Variants in GPR153 observed in about 807,000 individuals in gnomAD.
GPR153 encodes the protein probable G protein-coupled receptor 153.
A neutral mutation model predicts 34.1 loss-of-function variants in GPR153; 27 were observed. The observed-to-expected ratio is 0.79, with a 90% CI of 0.58 to 1.09. The LOEUF is 1.09. GPR153 is among the 50% of genes least tolerant of loss of function. The pLI, the probability that GPR153 is intolerant of heterozygous loss-of-function variation, is 0.00. For missense variants in GPR153, 848 were observed against 860.2 expected (o/e 0.99, Z 0.18); for synonymous variants, 408 against 405.4 (o/e 1.01, Z -0.08).
At position 6,251,374 on chromosome 1, in the gene GPR153, T is replaced by G; in HGVS notation, c.943A>C (p.Met315Leu). 1 of 1,612,724 alleles carries G rather than the reference T, an allele frequency of 6.2e-7. No individual in the cohort carries two copies. The highest frequency in any genetic ancestry group is 8.5e-7 in the Non-Finnish European group (1 of 1,179,402). ...TCCTCGTCGTTGGCCATGAGGGCCA[T>G]GCACTTCTCCCGGACAGCTTTGAGG... ...ADLKAVREKC[M>L]ALMANDEESD... Residue 315 changes from methionine to leucine, a missense_variant, in exon 4 of 6, where the codon ATG becomes CTG. Met to Leu is a conservative substitution (Grantham distance 15). Coordinates refer to ENST00000377893, the MANE Select transcript of GPR153 (RefSeq NM_207370.4). This position sits in a 1 kb window ranked among gnomAD's most constrained non-coding sequence, Gnocchi z 4.9.
At chr1:6,250,306 G>T (rs1638412831) in intron 5 of GPR153, 134 bp downstream of exon 5, 2 of 1,445,914 alleles carry the variant, frequency 1.4e-6, no homozygotes, top group Non-Finnish European at 1.8e-6. Flanking sequence ...CCTTTGGACA[G>T]CCCGTCCTCG....
chr1:6,249,909 T>G lies in GPR153; in HGVS notation c.1259A>C (p.Asp420Ala). The change falls in exon 6 of 6, where the codon GAC (aspartate) becomes GCC (alanine). Residue 420 changes from aspartate to alanine, a missense_variant. By Grantham distance (126) the Asp-to-Ala change is moderately radical (BLOSUM62 -2). Transcript: ENST00000377893. This position sits in a 1 kb window ranked among gnomAD's most constrained non-coding sequence, Gnocchi z 4.3. ...CACCAGGTGCGCCAGGGCGGCCAGG[T>G]CCTCGCCGGAGCCCCAGCGCGGCAG... ...AFLPRWGSGEDLAALAHLVLP... is the reference protein window; with the variant it reads ...AFLPRWGSGEALAALAHLVLP... 7.8e-7 allele frequency: 1 copy of G among 1,289,046 alleles called. No individual in the cohort carries two copies. The highest frequency in any genetic ancestry group is 9.9e-7 in the Non-Finnish European group (1 of 1,014,638). The allele number at this position is 1,289,046 out of a possible 1,614,324, so 79.9% of individuals were successfully genotyped here.
At chr1:6,256,874 C>T (rs757256403) in intron 1 of GPR153, among the ~76,000 whole-genome samples, 5 of 152,214 alleles carry the variant, frequency 3.3e-5, no homozygotes, top group Non-Finnish European at 7.3e-5. Context: ...TGCCCTAAGG[C>T]GGGGAAGGCC....
intron 1 of GPR153, among the ~76,000 whole-genome samples, chr1:6,257,903 C>T (rs1638597924): frequency 6.6e-6 from 1 of 152,254 alleles, no homozygotes; most frequent in South Asian, 2.1e-4. Flanking sequence ...GTGCTCTGCT[C>T]ACACTTAACT....
At chr1:6,255,542 A>G (rs1638548556) in intron 1 of GPR153, among the ~76,000 whole-genome samples, 1 of 147,472 alleles carries the variant, frequency 6.8e-6, no homozygotes, top group African/African-American at 2.5e-5. Context: ...TGGTGAGATC[A>G]TAGCTCACTG....
In GPR153 at chr1:6,249,602, G is replaced by C. The variant is rs1638389286; in HGVS notation, c.1566C>G (p.Phe522Leu). Residue 522 changes from phenylalanine to leucine, a missense_variant, in exon 6 of 6, where the codon TTC (phenylalanine) becomes TTG (leucine). Phe to Leu is a conservative substitution (Grantham distance 22). Transcript: ENST00000377893. This position sits in a 1 kb window ranked among gnomAD's most constrained non-coding sequence, Gnocchi z 4.3. ...PQALRRPPGP[F>L]PAAPAAPDGA... Reference sequence around the variant, plus strand: ...CGTCGGGGGCGGCGGGCGCAGCGGGGAAGGGCCCGGGCGGGCGGCGCAGGG... The same window carrying C: ...CGTCGGGGGCGGCGGGCGCAGCGGGCAAGGGCCCGGGCGGGCGGCGCAGGG... 2 of 1,145,844 alleles carry C rather than the reference G, an allele frequency of 1.7e-6. No homozygotes were observed. The highest frequency in any genetic ancestry group is 4.8e-5 in the Admixed American group (1 of 20,750). 71.0% of individuals were successfully genotyped at this position (1,145,844 alleles called of 1,614,324 possible). A position where few individuals can be genotyped will look rare whatever the true frequency, so the allele number is the denominator to read the frequency against.
rs112753395 is a variant in GPR153, at chr1:6,250,168, G to T, written c.1165-165C>A. ...TTTGGTGCAGTCTCTTCGAGCCGCA[G>T]GGCTGTGTCAGACAGCTGGGGTCGG... On this transcript the variant is annotated intron_variant, in intron 5 of 5. Coordinates refer to ENST00000377893, the MANE Select transcript of GPR153 (RefSeq NM_207370.4). 8.1e-5 allele frequency: 80 copies of T among 985,458 alleles called. No individual in the cohort carries two copies. The African/African-American group carries it at 1.2e-3, about 15-fold the overall frequency. 61.0% of individuals were successfully genotyped at this position (985,458 alleles called of 1,614,324 possible).
intron 1 of GPR153, among the ~76,000 whole-genome samples, chr1:6,256,671 T>A (rs558167638): frequency 6.6e-6 from 1 of 152,244 alleles, no homozygotes; most frequent in African/African-American, 2.4e-5. Context: ...TGCCTGGCCT[T>A]ATTTTTATAT....
Position 6,254,640 on chromosome 1 carries a change from G to T in GPR153, c.266C>A (p.Thr89Asn), listed in dbSNP as rs1251946202. The T allele has an allele frequency of 3.1e-6, 5 of 1,613,444 alleles. No homozygotes were observed. The Admixed American group carries it at 5.0e-5, about 16-fold the overall frequency. The change falls in exon 2 of 6, where the codon ACC becomes AAC. Residue 89 changes from threonine (T) to asparagine (N), a missense_variant. By Grantham distance (65) the Thr-to-Asn change is moderately conservative. Transcript: ENST00000377893. ...NEGLCKVFVS[T>N]FYTLTLATCF... ...GGTGGCCAGGGTGAGGGTGTAGAAG[G>T]TGGACACGAAGACCTTGCAGAGACC...
rs1439467770 is a variant in GPR153 at position 6,249,333 on chromosome 1, C to A, written c.*5G>T. ...CCTGGCGTCCGTGGGGAGGCGCCGG[C>A]GGTCCTAGGACGCGGAGCCCAGCGA... On this transcript the variant is annotated 3_prime_UTR_variant, in exon 6 of 6. Coordinates refer to ENST00000377893, the MANE Select transcript of GPR153 (RefSeq NM_207370.4). This position sits in a 1 kb window ranked among gnomAD's most constrained non-coding sequence, Gnocchi z 4.3. The A allele has an allele frequency of 1.6e-6, 2 of 1,274,698 alleles. No individual in the cohort carries two copies. The highest frequency in any genetic ancestry group is 9.9e-7 in the Non-Finnish European group (1 of 1,010,818). 79.0% of individuals were successfully genotyped at this position (1,274,698 alleles called of 1,614,324 possible).
rs1474657068 is a variant in GPR153, at chr1:6,253,919, G to C, written c.585C>G (p.Leu195=). Residue 195 remains leucine (L), a synonymous_variant, in exon 3 of 6, where the codon CTC becomes CTG. Coordinates refer to ENST00000377893, the MANE Select transcript of GPR153 (RefSeq NM_207370.4). ...CCACCTGCACGGCCAGCGTCTGGAA[G>C]AGGGCGATGGCTGTGCAGATCACGC... The part of the protein sequence containing the change: ...AMGVICTAIA[L]FQTLAVQVGR... The C allele has an allele frequency of 6.2e-7, 1 of 1,610,568 alleles. No individual in the cohort carries two copies. Among genetic ancestry groups the C allele is most frequent in the Non-Finnish European group, 8.5e-7 (1 of 1,178,998 alleles).
intron 1 of GPR153, among the ~76,000 whole-genome samples, chr1:6,255,635 T>C (rs1638550041): frequency 8.0e-6 from 1 of 125,448 alleles, no homozygotes; most frequent in Admixed American, 9.3e-5. Context: ...CCACTATGCC[T>C]GGCTACGTTT....
chr1:6,260,210 C>T (rs984359469), intron 1 of GPR153, among the ~76,000 whole-genome samples: 1 of 152,152 alleles, frequency 6.6e-6, no homozygotes, highest in African/African-American at 2.4e-5. Context: ...TGGCTGCGCC[C>T]CGGCTTCCGC....
Position 6,249,327 on chromosome 1 carries a change from C to G in GPR153, c.*11G>C. ...GGCCTGCCTGGCGTCCGTGGGGAGG[C>G]GCCGGCGGTCCTAGGACGCGGAGCC... On this transcript the variant is annotated 3_prime_UTR_variant, in exon 6 of 6. Coordinates refer to ENST00000377893, the MANE Select transcript of GPR153 (RefSeq NM_207370.4). The surrounding 1 kb of genome is among the most constrained non-coding windows in gnomAD (Gnocchi z 4.3). 1 of 1,267,630 alleles carries G rather than the reference C, an allele frequency of 7.9e-7. No homozygotes were observed. The highest frequency in any genetic ancestry group is 9.9e-7 in the Non-Finnish European group (1 of 1,007,542). 78.5% of individuals were successfully genotyped at this position (1,267,630 alleles called of 1,614,324 possible).
rs548324750 is a variant in GPR153 at position 6,248,963 on chromosome 1, T to C, written c.*375A>G. 240 of 178,264 alleles carry C rather than the reference T, an allele frequency of 1.3e-3. No homozygotes were observed. The highest frequency in any genetic ancestry group is 2.1e-3 in the Non-Finnish European group (179 of 85,706). The allele number at this position is 178,264 out of a possible 1,614,324, so 11.0% of individuals were successfully genotyped here. ...TCAGCCTCTCCAAAGCGGGGCTTTG[T>C]CCGATCCCGCAGTGGCCCTGTCTCA... On this transcript the variant is annotated 3_prime_UTR_variant, in exon 6 of 6. Transcript: ENST00000377893.
intron 5 of GPR153, 35 bp downstream of exon 5, chr1:6,250,405 C>T (rs1404308534): frequency 2.0e-6 from 3 of 1,533,302 alleles, no homozygotes; most frequent in Admixed American, 2.0e-5. Context: ...CCCTGTCACC[C>T]GCAGGTGCGG....
rs537787050 is a variant in GPR153 at position 6,253,925 on chromosome 1, G to A, written c.579C>T (p.Ile193=). 41 of 1,610,950 alleles carry A rather than the reference G, an allele frequency of 2.5e-5. No homozygotes were observed. Among genetic ancestry groups the A allele is most frequent in the Non-Finnish European group, 3.3e-5 (39 of 1,179,138 alleles). Reference sequence around the variant, plus strand: ...GCACGGCCAGCGTCTGGAAGAGGGCGATGGCTGTGCAGATCACGCCCATGG... The same window carrying A: ...GCACGGCCAGCGTCTGGAAGAGGGCAATGGCTGTGCAGATCACGCCCATGG... ...SVAMGVICTA[I]ALFQTLAVQV... is the part of the protein sequence containing the mutation. Residue 193 remains isoleucine, a synonymous_variant, in exon 3 of 6, where the codon ATC becomes ATT. Transcript: ENST00000377893.
chr1:6,253,968 A>G lies in GPR153; in HGVS notation c.536T>C (p.Leu179Pro). 6.2e-7 allele frequency: 1 copy of G among 1,612,938 alleles called. No individual in the cohort carries two copies. The highest frequency in any genetic ancestry group is 2.2e-5 in the East Asian group (1 of 44,882). ...GCCCATGGCCACGCTGCCGCCCACCAGCAGCAGGAAGCAGACGCCAAAGCC... is the reference window on the plus strand; with the variant it reads ...GCCCATGGCCACGCTGCCGCCCACCGGCAGCAGGAAGCAGACGCCAAAGCC... ...GLGFGVCFLL[L>P]VGGSVAMGVI... is the part of the protein sequence containing the mutation. Residue 179 changes from leucine to proline, a missense_variant, in exon 3 of 6, where the codon CTG (leucine) becomes CCG (proline). Physicochemically the swap from Leu to Pro is moderately conservative, Grantham distance 98. Transcript: ENST00000377893.
In GPR153 at chr1:6,251,299, A is replaced by T. The variant is rs748039320; in HGVS notation, c.979+39T>A. 6.6e-7 allele frequency: 1 copy of T among 1,520,614 alleles called. No homozygotes were observed. Among genetic ancestry groups the T allele is most frequent in the South Asian group, 1.2e-5 (1 of 80,632 alleles). 94.2% of individuals were successfully genotyped at this position (1,520,614 alleles called of 1,614,324 possible). A position where few individuals can be genotyped will look rare whatever the true frequency, so the allele number is the denominator to read the frequency against. The stretch of plus-strand genomic sequence containing the variant: ...TGCCAACCCCAATGACCTAACCTAG[A>T]CGCCACTCTCCCTGGGGCCACTCTC... On this transcript the variant is annotated intron_variant, in intron 4 of 5. Coordinates refer to ENST00000377893, the MANE Select transcript of GPR153 (RefSeq NM_207370.4). The surrounding 1 kb of genome is among the most constrained non-coding windows in gnomAD (Gnocchi z 4.9).
Sources: allele counts gnomAD v4.1 joint callset (sites outside exome capture counted in the v4.1 genomes callset), GRCh38; gene constraint gnomAD v4.1.1; non-coding constraint Gnocchi (gnomAD v3.1); transcripts MANE v1.5; gene names NCBI Gene and HGNC (gene_info 2026-07-23, HGNC 2026-07-21).